KLHDC1: variants seen among roughly 807,000 people sequenced by gnomAD.
The protein encoded by KLHDC1 is kelch domain containing 1, also known as kelch domain-containing protein 1.
Under a neutral mutation model 68.3 loss-of-function variants are expected in KLHDC1, and 53 were observed. That is an observed-to-expected ratio of 0.78 (90% CI 0.62 to 0.98). The LOEUF is 0.98. KLHDC1 is among the 50% of genes least tolerant of loss of function. KLHDC1 has a pLI of 0.00. For missense variants in KLHDC1, 470 were observed against 492.3 expected, an observed-to-expected ratio of 0.95 and a Z score of 0.43; for synonymous variants, 148 against 159.0, an observed-to-expected ratio of 0.93 and a Z score of 0.52.
At chr14:49,695,442 T>C (rs904594035) in intron 1 of KLHDC1, among the ~76,000 whole-genome samples, 2 of 152,134 alleles carry the variant, frequency 1.3e-5, no homozygotes, top group Non-Finnish European at 2.9e-5. Flanking sequence ...CTAGGTGTGT[T>C]GTCAATGAGC....
chr14:49,741,329 A>G (rs1008172709), intron 11 of KLHDC1, among the ~76,000 whole-genome samples: 1 of 149,588 alleles, frequency 6.7e-6, no homozygotes, highest in African/African-American at 2.5e-5. Context: ...TTTTTTTGAG[A>G]CAGGATTTCG....
In KLHDC1 at chr14:49,693,742, C is replaced by CTTTTTTTTTTTTTTTTTTTTTTT. The variant is rs1566589138; in HGVS notation, c.96+457_96+458insTTTTTTTTTTTTTTTTTTTTTTT. Among the ~76,000 whole-genome samples, 13 of 60,974 alleles carry CTTTTTTTTTTTTTTTTTTTTTTT rather than the reference C, an allele frequency of 2.1e-4. 1 individual carries two copies. The highest frequency in any genetic ancestry group is 1.1e-3 in the South Asian group (1 of 872). 40.0% of individuals were successfully genotyped at this position (60,974 alleles called of 152,430 possible). On this transcript the variant is annotated intron_variant, in intron 1 of 12. Transcript: ENST00000359332. ...AGCATTTAAATATTTATTTTCTTTT[C>CTTTTTTTTTTTTTTTTTTTTTTT]TTTTTCTTTTTTTTTTTTTTTTGAG...
chr14:49,739,965 C>T, intron 10 of KLHDC1, 133 bp from the exon 11 acceptor site: 2 of 526,440 alleles, frequency 3.8e-6, no homozygotes, highest in South Asian at 3.4e-5. Context: ...TAGGATATTC[C>T]AAAGGTTCAA....
chr14:49,711,087 G>T (rs530340641), intron 4 of KLHDC1, among the ~76,000 whole-genome samples: 1 of 152,200 alleles, frequency 6.6e-6, no homozygotes, highest in East Asian at 1.9e-4. Flanking sequence ...CTGCCTCCCG[G>T]GTTCAAGCGA....
chr14:49,694,198 ATG>A (rs1159854560), intron 1 of KLHDC1, among the ~76,000 whole-genome samples: 2 of 152,174 alleles, frequency 1.3e-5, no homozygotes, highest in African/African-American at 4.8e-5. Flanking sequence ...GTTTGAGCGT[ATG>A]TGTGTGTTGT....
chr14:49,744,967 C>T (rs78691032), intron 12 of KLHDC1, among the ~76,000 whole-genome samples: 28 of 152,110 alleles, frequency 1.8e-4, no homozygotes, highest in African/African-American at 5.3e-4. Context: ...GGAGTCTGTA[C>T]AAAGTTTAGT....
intron 11 of KLHDC1, 66 bp from the exon 12 acceptor site, chr14:49,743,687 C>T (rs1418202398): frequency 1.1e-6 from 1 of 910,342 alleles, no homozygotes; most frequent in Non-Finnish European, 1.7e-6. Flanking sequence ...AATTAAGAAA[C>T]ATTCAATTAT....
Position 49,732,237 on chromosome 14 carries a change from ATCTTGG to A in KLHDC1, c.711-466_711-461del, listed in dbSNP as rs1888827217. Among the ~76,000 whole-genome samples, 7 of 151,838 alleles carry A rather than the reference ATCTTGG, an allele frequency of 4.6e-5. No homozygotes were observed. In the South Asian group the frequency reaches 1.5e-3, roughly 32 times the overall value. ...ACCCAGGCTGGAGTGCAGTGGTGCAATCTTGGCTCACTGCAACCTCCACCTCCCAGG... is the reference window on the plus strand; with the variant it reads ...ACCCAGGCTGGAGTGCAGTGGTGCAACTCACTGCAACCTCCACCTCCCAGG... On this transcript the variant is annotated intron_variant, in intron 8 of 12. Transcript: ENST00000359332.
rs1888336245 is a variant in KLHDC1, at chr14:49,715,123, T to G, written c.404+4742T>G. Among the ~76,000 whole-genome samples, 5 of 148,556 alleles carry G rather than the reference T, an allele frequency of 3.4e-5. No homozygotes were observed. The South Asian group carries it at 1.0e-3, about 31-fold the overall frequency. ...TATATATATTCATATATATTTTACT[T>G]TATTATTTTTTTTTTCTGAGACAGA... On this transcript the variant is annotated intron_variant, in intron 4 of 12. Coordinates refer to ENST00000359332, the MANE Select transcript of KLHDC1 (RefSeq NM_172193.3).
chr14:49,729,422 T>C, intron 7 of KLHDC1, 68 bp from the exon 8 acceptor site: 4 of 1,046,178 alleles, frequency 3.8e-6, no homozygotes, highest in Non-Finnish European at 6.0e-6. Context: ...CTGAACTTAC[T>C]TTAAAAGAAA....
intron 1 of KLHDC1, among the ~76,000 whole-genome samples, chr14:49,695,149 T>TGTGTG (rs1555337472): frequency 1.3e-5 from 2 of 151,128 alleles, no homozygotes; most frequent in South Asian, 2.1e-4. Flanking sequence ...TGTGTGTGTG[T>TGTGTG]TTTGAGACAA....
chr14:49,726,083 A>C (rs1289515976), intron 6 of KLHDC1, among the ~76,000 whole-genome samples: 2 of 152,184 alleles, frequency 1.3e-5, no homozygotes, highest in African/African-American at 2.4e-5. Flanking sequence ...CCTGACCTCA[A>C]GTTATCTACC....
At chr14:49,702,061 G>T (rs945730156) in intron 1 of KLHDC1, among the ~76,000 whole-genome samples, 1 of 151,276 alleles carries the variant, frequency 6.6e-6, no homozygotes, top group Non-Finnish European at 1.5e-5. Flanking sequence ...CCAGCTACTC[G>T]GGAGGCTGAG....
chr14:49,748,547 G>A (rs376996572), intron 12 of KLHDC1, among the ~76,000 whole-genome samples: 6 of 152,036 alleles, frequency 3.9e-5, no homozygotes, highest in East Asian at 1.9e-4. Context: ...GGCTTATATC[G>A]TCTAGTAGAT....
intron 1 of KLHDC1, among the ~76,000 whole-genome samples, chr14:49,697,932 G>A (rs1887790083): frequency 2.0e-5 from 3 of 152,138 alleles, no homozygotes; most frequent in African/African-American, 7.2e-5. Context: ...ACCAACAGAC[G>A]TGTATAGGAT....
At chr14:49,698,243 G>A (rs1278047732) in intron 1 of KLHDC1, among the ~76,000 whole-genome samples, 2 of 152,096 alleles carry the variant, frequency 1.3e-5, no homozygotes, top group African/African-American at 4.8e-5. Context: ...TTGCTCTGTC[G>A]CCCAGGCTGG....
At chr14:49,730,634 A>G (rs7160957) in intron 8 of KLHDC1, among the ~76,000 whole-genome samples, 140,004 of 152,218 alleles carry the variant, frequency 0.92, 65,514 homozygotes, top group East Asian at 1. Context: ...GAACATGCAT[A>G]AACAACTCAC....
chr14:49,740,284 G>GC, intron 11 of KLHDC1, 102 bp downstream of exon 11: 1 of 652,190 alleles, frequency 1.5e-6, no homozygotes, highest in East Asian at 2.9e-5. Flanking sequence ...TGCAAAATAT[G>GC]AAGGGCCTGA....
chr14:49,739,597 T>C (rs1889011453), intron 10 of KLHDC1, among the ~76,000 whole-genome samples: 1 of 152,010 alleles, frequency 6.6e-6, no homozygotes, highest in Non-Finnish European at 1.5e-5. Flanking sequence ...AGGCAAAAAT[T>C]ATAAGAACAG....
Sources: gnomAD v4.1 joint callset for allele counts (sites outside exome capture counted in the v4.1 genomes callset) on GRCh38, gnomAD v4.1.1 for gene constraint, MANE v1.5 for transcripts, NCBI Gene and HGNC (gene_info 2026-07-23, HGNC 2026-07-21) for gene names.